PRKACA: variants seen among roughly 807,000 people sequenced by gnomAD.
The protein encoded by PRKACA is cAMP-dependent protein kinase catalytic subunit alpha.
In PRKACA, 9 loss-of-function variants were observed where a neutral mutation model predicts 45.8. That is an observed-to-expected ratio of 0.20 (90% CI 0.12 to 0.34). PRKACA has a LOEUF of 0.34. Ranked by LOEUF, PRKACA falls within the 10% of genes least tolerant of loss-of-function variation. The pLI, the probability that PRKACA is intolerant of heterozygous loss-of-function variation, is 1.00. For synonymous variants in PRKACA, 160 were observed against 178.6 expected, an observed-to-expected ratio of 0.90 and a Z score of 0.83; for missense variants, 238 against 458.6, an observed-to-expected ratio of 0.52 and a Z score of 4.39.
In PRKACA at chr19:14,098,387, C is replaced by T. The variant is rs118000963; in HGVS notation, c.420-497G>A. 9.7e-4 allele frequency: 159 copies of T among 163,486 alleles called. 2 individuals are homozygous for T. The East Asian group carries it at 0.023, about 23-fold the overall frequency. 10.1% of individuals were successfully genotyped at this position (163,486 alleles called of 1,614,324 possible). A position where few individuals can be genotyped will look rare whatever the true frequency, so the allele number is the denominator to read the frequency against. On this transcript the variant is annotated intron_variant, in intron 5 of 9. Transcript: ENST00000308677. ...TTTTGGGGGGTCGAGGTGGGAAGAT[C>T]GCTTGAGCCCAGGAGTTCGAGACCA...
rs368485023 is a variant in PRKACA, at chr19:14,106,905, C to G, written c.109-17G>C. 12 of 1,613,426 alleles carry G rather than the reference C, an allele frequency of 7.4e-6. No homozygotes were observed. In the African/African-American group the frequency reaches 1.5e-4, roughly 20 times the overall value. On this transcript the variant is annotated splice_polypyrimidine_tract_variant and intron_variant, in intron 2 of 9. Transcript: ENST00000308677. ...GGCTGTGTTCTGTGGGCAGAGGGGT[C>G]GGTAGGCTCAGGGCACGCCCTCCCC...
Position 14,093,046 on chromosome 19 carries a change from TCCCA to T in PRKACA, c.*62_*65del. 1.2e-5 allele frequency: 1 copy of T among 85,290 alleles called. No homozygotes were observed. Among genetic ancestry groups the T allele is most frequent in the Non-Finnish European group, 2.2e-5 (1 of 45,334 alleles). The allele number at this position is 85,290 out of a possible 1,614,324, so 5.3% of individuals were successfully genotyped here. On this transcript the variant is annotated 3_prime_UTR_variant, in exon 10 of 10. Coordinates refer to ENST00000308677, the MANE Select transcript of PRKACA (RefSeq NM_002730.4). ...GCCCTCTGGCTGTTCAATCCAACCC[TCCCA>T]CCCCCCCGACCAAAAAAAAGAAAAA... is the stretch of plus-strand genomic sequence containing the variant.
intron 3 of PRKACA, 49 bp from the exon 4 acceptor site, chr19:14,102,963 G>A: frequency 7.2e-7 from 1 of 1,384,924 alleles, no homozygotes; most frequent in Non-Finnish European, 1.0e-6. Context: ...GGTGAGAGGG[G>A]CCTCATTTCC....
In PRKACA at chr19:14,092,656, A is replaced by T. The variant is rs1475913866; in HGVS notation, c.*456T>A. 4.3e-6 allele frequency: 1 copy of T among 232,590 alleles called. No homozygotes were observed. The highest frequency in any genetic ancestry group is 2.4e-5 in the African/African-American group (1 of 41,848). The allele number at this position is 232,590 out of a possible 1,614,324, so 14.4% of individuals were successfully genotyped here. ...CCCAGGCAGGATTACTCCGAAAGGA[A>T]GGTTGGCGCTTCGTTCATTTGCCCT... On this transcript the variant is annotated 3_prime_UTR_variant, in exon 10 of 10. Coordinates refer to ENST00000308677, the MANE Select transcript of PRKACA (RefSeq NM_002730.4).
At chr19:14,095,230 G>A (rs942551671) in intron 8 of PRKACA, among the ~76,000 whole-genome samples, 3 of 151,328 alleles carry the variant, frequency 2.0e-5, no homozygotes, top group African/African-American at 7.3e-5. Context: ...GAGTGCAGTG[G>A]CACAATCTCA....
At chr19:14,114,729 T>C (rs1967072731) in intron 1 of PRKACA, among the ~76,000 whole-genome samples, 1 of 152,168 alleles carries the variant, frequency 6.6e-6, no homozygotes, top group South Asian at 2.1e-4. Flanking sequence ...CTTAGTCTTT[T>C]TTCTTGGCCC....
intron 1 of PRKACA, among the ~76,000 whole-genome samples, chr19:14,117,167 G>A (rs1295100003): frequency 6.6e-6 from 1 of 151,010 alleles, no homozygotes; most frequent in African/African-American, 2.4e-5. Flanking sequence ...GGAAGTGGGG[G>A]GATTAGAATC....
intron 3 of PRKACA, among the ~76,000 whole-genome samples, chr19:14,103,626 G>C (rs1977509228): frequency 6.6e-6 from 1 of 152,192 alleles, no homozygotes; most frequent in Admixed American, 6.5e-5. Context: ...CAACTGCTTT[G>C]CTCACATAGC....
chr19:14,100,033 C>T (rs1223013999), intron 5 of PRKACA, among the ~76,000 whole-genome samples: 14 of 151,746 alleles, frequency 9.2e-5, no homozygotes, highest in East Asian at 5.8e-4. Context: ...TTAGTAGAGA[C>T]GGGGTTTCAC....
chr19:14,097,424 A>G lies in PRKACA; in HGVS notation c.702T>C (p.Ala234=), dbSNP rs764397826. The change falls in exon 8 of 10, where the codon GCT becomes GCC. Residue 234 remains alanine (A), a synonymous_variant. Transcript: ENST00000308677. This position sits in a 1 kb window ranked among gnomAD's most constrained non-coding sequence, Gnocchi z 5.4. ...ALGVLIYEMA[A]GYPPFFADQP... ...GGTCTGCGAAGAAGGGCGGGTAGCC[A>G]GCGGCCATTTCATAGATAAGAACCC... is the stretch of plus-strand genomic sequence containing the variant. The G allele has an allele frequency of 5.0e-6, 8 of 1,614,122 alleles. No homozygotes were observed. The South Asian group carries it at 5.5e-5, about 11-fold the overall frequency.
At chr19:14,113,590 C>A (rs902794334) in intron 1 of PRKACA, among the ~76,000 whole-genome samples, 1 of 152,192 alleles carries the variant, frequency 6.6e-6, no homozygotes, top group Non-Finnish European at 1.5e-5. Context: ...CGGAAGGAGC[C>A]CAGCCACAGA....
In PRKACA at chr19:14,092,244, G is replaced by A. The variant is rs1977098572; in HGVS notation, c.*868C>T. On this transcript the variant is annotated 3_prime_UTR_variant, in exon 10 of 10. Coordinates refer to ENST00000308677, the MANE Select transcript of PRKACA (RefSeq NM_002730.4). ...TTGGGGCTCCCCCTCTGTCTTTTTGGGGGATGACTCCTCTTTGGCAGGGAG... is the reference window on the plus strand; with the variant it reads ...TTGGGGCTCCCCCTCTGTCTTTTTGAGGGATGACTCCTCTTTGGCAGGGAG... The A allele has an allele frequency of 5.6e-6, 1 of 177,864 alleles. No individual in the cohort carries two copies. The highest frequency in any genetic ancestry group is 1.2e-5 in the Non-Finnish European group (1 of 85,034). 11.0% of individuals were successfully genotyped at this position (177,864 alleles called of 1,614,324 possible). A position where few individuals can be genotyped will look rare whatever the true frequency, so the allele number is the denominator to read the frequency against.
rs762166548 is a variant in PRKACA, at chr19:14,106,884, G to A, written c.113C>T (p.Thr38Ile). 2.5e-6 allele frequency: 4 copies of A among 1,614,060 alleles called. No individual in the cohort carries two copies. The African/African-American group carries it at 5.3e-5, about 22-fold the overall frequency. The change falls in exon 3 of 10, where the codon ACA (threonine) becomes ATA (isoleucine). Residue 38 changes from threonine to isoleucine, a missense_variant. Around this residue, in one of 3 missense-constraint regions of PRKACA, gnomAD observed 93 missense variants for 149.1 expected, o/e 0.62. Transcript: ENST00000308677. ...LKKWESPAQN[T>I]AHLDQFERIK... ...TCGTTCAAACTGATCCAAGTGGGCT[G>A]TGTTCTGTGGGCAGAGGGGTCGGTA...
At position 14,104,066 on chromosome 19, in the gene PRKACA, G is replaced by A. The variant is rs189597610; in HGVS notation, c.238-1152C>T. ...AAAACAAAACAACCAGGCCGGGTACGGTGGCTCACGCCTGTAATCCCAGCA... is the reference window on the plus strand; with the variant it reads ...AAAACAAAACAACCAGGCCGGGTACAGTGGCTCACGCCTGTAATCCCAGCA... On this transcript the variant is annotated intron_variant, in intron 3 of 9. Coordinates refer to ENST00000308677, the MANE Select transcript of PRKACA (RefSeq NM_002730.4). Among the ~76,000 whole-genome samples the A allele has an allele frequency of 9.9e-5, 15 of 152,274 alleles. No homozygotes were observed. The East Asian group carries it at 1.9e-3, about 20-fold the overall frequency.
At chr19:14,109,457 A>C (rs1977706851) in intron 1 of PRKACA, among the ~76,000 whole-genome samples, 1 of 151,440 alleles carries the variant, frequency 6.6e-6, no homozygotes, top group African/African-American at 2.4e-5. Flanking sequence ...CCAAAACAAA[A>C]CAAAAAAATT....
intron 4 of PRKACA, 78 bp from the exon 5 acceptor site, chr19:14,100,986 C>T (rs879124807): frequency 1.5e-6 from 2 of 1,297,006 alleles, no homozygotes; most frequent in South Asian, 2.4e-5. Flanking sequence ...GCCTCCCCGG[C>T]TGGTGTTCAA....
In PRKACA at chr19:14,097,496, G is replaced by A. The variant is rs182081185; in HGVS notation, c.643-13C>T. 1.2e-4 allele frequency: 194 copies of A among 1,613,892 alleles called. 1 individual carries two copies. Among genetic ancestry groups the A allele is most frequent in the Admixed American group, 1.3e-4 (8 of 60,004 alleles). ...CCTTGTTGTAGCCCTGGAGCAAGATGGGGGGGCACAGGGTGAGGAGGAGGC... is the reference window on the plus strand; with the variant it reads ...CCTTGTTGTAGCCCTGGAGCAAGATAGGGGGGCACAGGGTGAGGAGGAGGC... On this transcript the variant is annotated splice_polypyrimidine_tract_variant and intron_variant, in intron 7 of 9. Transcript: ENST00000308677. This position sits in a 1 kb window ranked among gnomAD's most constrained non-coding sequence, Gnocchi z 5.4.
rs557343720 is a variant in PRKACA, at chr19:14,098,307, C to T, written c.420-417G>A. On this transcript the variant is annotated intron_variant, in intron 5 of 9. Transcript: ENST00000308677. ...ACAACTGCCTTTGGTGGGGAGGTGA[C>T]GTGTCAAGAGAGGGATTCGGCCCGG... 7.1e-5 allele frequency: 12 copies of T among 168,938 alleles called. 2 individuals are homozygous for T. The highest frequency in any genetic ancestry group is 2.1e-4 in the African/African-American group (9 of 42,028). 10.5% of individuals were successfully genotyped at this position (168,938 alleles called of 1,614,324 possible).
At chr19:14,102,118 T>C (rs1288801371) in intron 4 of PRKACA, among the ~76,000 whole-genome samples, 2 of 151,938 alleles carry the variant, frequency 1.3e-5, no homozygotes, top group African/African-American at 4.8e-5. Context: ...GAGCCAAGAT[T>C]GCGCCACTGC....
Sources: allele counts gnomAD v4.1 joint callset (sites outside exome capture counted in the v4.1 genomes callset), GRCh38; gene constraint gnomAD v4.1.1; regional missense constraint gnomAD v4.1.1; non-coding constraint Gnocchi (gnomAD v3.1); transcripts MANE v1.5; gene names NCBI Gene and HGNC (gene_info 2026-07-23, HGNC 2026-07-21).